SEMA5B: variants seen among roughly 807,000 people sequenced by gnomAD.
SEMA5B encodes semaphorin-5B.
Under a neutral mutation model 135.0 loss-of-function variants are expected in SEMA5B, and 66 were observed. The ratio of observed to expected loss-of-function variants is 0.49; its 90% CI spans 0.40 to 0.60. SEMA5B has a LOEUF of 0.60. Ranked by LOEUF, SEMA5B falls within the 20% of genes least tolerant of loss-of-function variation. The probability of loss-of-function intolerance (pLI) is 0.00; values close to 1 mark genes in which losing one functional copy is unlikely to be tolerated. For missense variants in SEMA5B, 1,501 were observed against 1,566.3 expected (o/e 0.96, Z 0.70); for synonymous variants, 690 against 639.5 (o/e 1.08, Z -1.19).
chr3:122,945,271 G>A (rs982160985), intron 3 of SEMA5B, among the ~76,000 whole-genome samples: 1 of 152,192 alleles, frequency 6.6e-6, no homozygotes, highest in Non-Finnish European at 1.5e-5. Flanking sequence ...GGTGATTATA[G>A]GTTGGTGACT....
At position 122,915,883 on chromosome 3, in the gene SEMA5B, G is replaced by C; in HGVS notation, c.1696C>G (p.Leu566Val). The C allele has an allele frequency of 1.2e-6, 2 of 1,613,850 alleles. No homozygotes were observed. Among genetic ancestry groups the C allele is most frequent in the South Asian group, 2.2e-5 (2 of 91,072 alleles). The change falls in exon 13 of 23, where the codon CTG becomes GTG. Residue 566 changes from leucine to valine, a missense_variant. Physicochemically the swap from Leu to Val is conservative, Grantham distance 32. Transcript: ENST00000357599. Reference sequence around the variant, plus strand: ...CCACAGTACGGGTCCCGGGCCCCCAGGCATGCCCTGCCAGACAGACGTCCT... The same window carrying C: ...CCACAGTACGGGTCCCGGGCCCCCACGCATGCCCTGCCAGACAGACGTCCT... ...CAAYRSQGACLGARDPYCGWD... is the reference protein window; with the variant it reads ...CAAYRSQGACVGARDPYCGWD...
Position 122,930,053 on chromosome 3 carries a change from A to G in SEMA5B, c.475-995T>C, listed in dbSNP as rs925695374. On this transcript the variant is annotated intron_variant, in intron 5 of 22. Coordinates refer to ENST00000357599, the MANE Select transcript of SEMA5B (RefSeq NM_001031702.4). ...GTCCTGGGAGAGGGAGCCCTGAGAA[A>G]GCAGCTCTGTCTTCCAAATGGGGAG... 1.8e-4 allele frequency among the ~76,000 whole-genome samples: 28 copies of G among 152,338 alleles called. No individual in the cohort carries two copies. In the East Asian group the frequency reaches 4.4e-3, roughly 24 times the overall value.
intron 1 of SEMA5B, among the ~76,000 whole-genome samples, chr3:122,996,433 T>TAA (rs1942025107): frequency 6.6e-6 from 1 of 152,206 alleles, no homozygotes. Flanking sequence ...AGCCAAATCA[T>TAA]AAATCTAGCC....
intron 1 of SEMA5B, among the ~76,000 whole-genome samples, chr3:122,989,705 G>A (rs1358323847): frequency 6.6e-6 from 1 of 152,206 alleles, no homozygotes; most frequent in Admixed American, 6.5e-5. Flanking sequence ...GGTTGGAAAG[G>A]TGCAAATCAC....
intron 1 of SEMA5B, among the ~76,000 whole-genome samples, chr3:122,998,692 G>A (rs920570230): frequency 2.6e-5 from 4 of 152,094 alleles, no homozygotes; most frequent in East Asian, 3.9e-4. Context: ...CTGACTCCTG[G>A]CCTCCTTTAG....
At chr3:122,925,859 G>C (rs1938604285) in intron 9 of SEMA5B, among the ~76,000 whole-genome samples, 1 of 151,974 alleles carries the variant, frequency 6.6e-6, no homozygotes, top group Non-Finnish European at 1.5e-5. Flanking sequence ...ACAGAGGGAG[G>C]GGGTGGGAGG....
intron 1 of SEMA5B, among the ~76,000 whole-genome samples, chr3:122,998,200 G>T (rs781445236): frequency 1.3e-5 from 2 of 152,042 alleles, no homozygotes; most frequent in African/African-American, 2.4e-5. Context: ...ACAAAGCCAA[G>T]GCCCAGGGAG....
chr3:122,948,601 A>G lies in SEMA5B; in HGVS notation c.233T>C (p.Val78Ala). The stretch of plus-strand genomic sequence containing the variant: ...ATCCTGGGAGCTGGAGAGGTGGGAC[A>G]CCAGCAGTGTGAGGCTGGGCAGCAA... ...SLLLPSLTLL[V>A]SHLSSSQDVS... is the part of the protein sequence containing the mutation. The change falls in exon 3 of 23, where the codon GTG becomes GCG. Residue 78 changes from valine to alanine, a missense_variant. By Grantham distance (64) the Val-to-Ala change is moderately conservative. Around this residue, in one of 2 missense-constraint regions of SEMA5B, gnomAD observed 574 missense variants for 684.7 expected, o/e 0.84. Transcript: ENST00000357599. 5 of 1,614,040 alleles carry G rather than the reference A, an allele frequency of 3.1e-6. No homozygotes were observed. The highest frequency in any genetic ancestry group is 4.2e-6 in the Non-Finnish European group (5 of 1,179,962).
chr3:123,016,104 T>C lies in SEMA5B; in HGVS notation c.-39+11360A>G, dbSNP rs181555141. 2.6e-5 allele frequency among the ~76,000 whole-genome samples: 4 copies of C among 152,266 alleles called. No individual in the cohort carries two copies. In the East Asian group the frequency reaches 7.7e-4, roughly 29 times the overall value. On this transcript the variant is annotated intron_variant, in intron 1 of 22. Coordinates refer to ENST00000357599, the MANE Select transcript of SEMA5B (RefSeq NM_001031702.4). ...GTGGGAAGGAAAGCTGCCCTGACTC[T>C]CCACTGTCCAGGGAGTGAGGGAGCT...
intron 1 of SEMA5B, among the ~76,000 whole-genome samples, chr3:122,984,448 A>G (rs1028815090): frequency 1.3e-5 from 2 of 152,226 alleles, no homozygotes; most frequent in African/African-American, 4.8e-5. Flanking sequence ...GGGGGCTGCC[A>G]ATATGCCCAT....
At chr3:122,955,894 A>G (rs1940270767) in intron 2 of SEMA5B, among the ~76,000 whole-genome samples, 1 of 152,234 alleles carries the variant, frequency 6.6e-6, no homozygotes, top group Admixed American at 6.5e-5. Context: ...CTGAACACCT[A>G]CTATGTGCTG....
intron 1 of SEMA5B, among the ~76,000 whole-genome samples, chr3:123,004,866 C>A (rs759580037): frequency 6.6e-6 from 1 of 152,184 alleles, no homozygotes; most frequent in Non-Finnish European, 1.5e-5. Context: ...CATGGGTGGG[C>A]CCATACTCAG....
At chr3:122,983,799 G>A (rs983327427) in intron 1 of SEMA5B, among the ~76,000 whole-genome samples, 8 of 150,090 alleles carry the variant, frequency 5.3e-5, no homozygotes, top group East Asian at 2.0e-4. Context: ...TTTAAGAGTC[G>A]GGCAGGACCT....
chr3:122,927,760 T>G, intron 8 of SEMA5B, 30 bp downstream of exon 8: 1 of 1,364,110 alleles, frequency 7.3e-7, no homozygotes, highest in Admixed American at 2.9e-5. Flanking sequence ...ACCAGGGGAG[T>G]CCCCACCCCT....
Position 122,926,619 on chromosome 3 carries a change from C to G in SEMA5B, c.909G>C (p.Glu303Asp), listed in dbSNP as rs1938648404. Residue 303 changes from glutamate (E) to aspartate (D), a missense_variant, in exon 9 of 23, where the codon GAG (glutamate) becomes GAC (aspartate). Glu to Asp is a conservative substitution (Grantham distance 45). This residue lies in a region of SEMA5B where 574 missense variants were observed against 684.7 expected (regional missense o/e 0.84). Coordinates refer to ENST00000357599, the MANE Select transcript of SEMA5B (RefSeq NM_001031702.4). ...GTCCACAGTCGTGCTCCACTGCGTT[C>G]TCCCGCAGGAAGAAGTATGCAAACA... ...IGLFAYFFLR[E>D]NAVEHDCGRT... The G allele has an allele frequency of 2.5e-6, 4 of 1,614,256 alleles. No individual in the cohort carries two copies. Among genetic ancestry groups the G allele is most frequent in the Non-Finnish European group, 3.4e-6 (4 of 1,180,052 alleles).
chr3:122,956,089 C>G (rs1182088458), intron 2 of SEMA5B, among the ~76,000 whole-genome samples: 3 of 152,248 alleles, frequency 2.0e-5, no homozygotes, highest in Non-Finnish European at 1.5e-5. Context: ...CTTGCCCTGC[C>G]TCGGGCCTGC....
chr3:122,924,163 A>G (rs1237397654), intron 9 of SEMA5B, among the ~76,000 whole-genome samples: 1 of 152,104 alleles, frequency 6.6e-6, no homozygotes, highest in Non-Finnish European at 1.5e-5. Flanking sequence ...ATTTTATTCC[A>G]TTCTATTCTG....
At chr3:122,969,650 C>T (rs910646753) in intron 1 of SEMA5B, among the ~76,000 whole-genome samples, 9 of 152,202 alleles carry the variant, frequency 5.9e-5, no homozygotes, top group African/African-American at 2.4e-5. Context: ...CTTCCTGGCA[C>T]CCACCTGCAT....
intron 22 of SEMA5B, among the ~76,000 whole-genome samples, chr3:122,910,605 C>A (rs982333445): frequency 1.3e-5 from 2 of 151,926 alleles, no homozygotes; most frequent in Non-Finnish European, 2.9e-5. Context: ...GTCAGGAGAT[C>A]GAGACCATCC....
Sources: allele counts gnomAD v4.1 joint callset (sites outside exome capture counted in the v4.1 genomes callset), GRCh38; gene constraint gnomAD v4.1.1; regional missense constraint gnomAD v4.1.1; transcripts MANE v1.5; gene names NCBI Gene and HGNC (gene_info 2026-07-23, HGNC 2026-07-21).